The following ARHGEF10L variants were observed in gnomAD, a reference collection of about 807,000 sequenced individuals.
The protein encoded by ARHGEF10L is rho guanine nucleotide exchange factor 10-like protein.
A neutral mutation model predicts 141.2 loss-of-function variants in ARHGEF10L; 69 were observed. The ratio of observed to expected loss-of-function variants is 0.49; its 90% CI spans 0.40 to 0.60. The LOEUF is 0.60. Among genes scored for constraint, ARHGEF10L ranks in the 20% least tolerant of loss-of-function variants. The pLI, the probability that ARHGEF10L is intolerant of heterozygous loss-of-function variation, is 0.00. For missense variants in ARHGEF10L, 1,482 were observed against 1,734.3 expected, an observed-to-expected ratio of 0.85 and a Z score of 2.58; for synonymous variants, 711 against 718.5, an observed-to-expected ratio of 0.99 and a Z score of 0.17.
At chr1:17,669,006 G>A (rs1057425516) in intron 26 of ARHGEF10L, among the ~76,000 whole-genome samples, 2 of 152,218 alleles carry the variant, frequency 1.3e-5, no homozygotes, top group African/African-American at 4.8e-5. Context: ...GGCTGCTGCT[G>A]CTCTCTCACT....
At chr1:17,660,713 G>C (rs1280305137) in intron 25 of ARHGEF10L, among the ~76,000 whole-genome samples, 1 of 152,226 alleles carries the variant, frequency 6.6e-6, no homozygotes, top group African/African-American at 2.4e-5. Flanking sequence ...GCTGAGACAG[G>C]GCCTTCATCT....
intron 9 of ARHGEF10L, among the ~76,000 whole-genome samples, chr1:17,616,641 C>A (rs1262706735): frequency 6.6e-6 from 1 of 152,256 alleles, no homozygotes; most frequent in African/African-American, 2.4e-5. Context: ...CATGTATCAG[C>A]AGTGCCTCTG....
In ARHGEF10L at chr1:17,647,363, G is replaced by A. The variant is rs530333139; in HGVS notation, c.2273-1191G>A. Among the ~76,000 whole-genome samples the A allele has an allele frequency of 3.3e-5, 5 of 152,328 alleles. No homozygotes were observed. In the South Asian group the frequency reaches 1.0e-3, roughly 32 times the overall value. On this transcript the variant is annotated intron_variant, in intron 21 of 28. Coordinates refer to ENST00000361221, the MANE Select transcript of ARHGEF10L (RefSeq NM_018125.4). ...TGAAGACTAAGCCAGGGCATAGACG[G>A]CGGCGCTCAGTGTGGTGCCTGATGT...
rs376114429 is a variant in ARHGEF10L, at chr1:17,632,547, G to T, written c.1730+81G>T. On this transcript the variant is annotated intron_variant, in intron 16 of 28. Transcript: ENST00000361221. The stretch of plus-strand genomic sequence containing the variant: ...CCCTACTCCAGTCTCTTGGCCGGCC[G>T]CACTACAGTGGGACCCCATGTGAGC... The T allele has an allele frequency of 5.0e-5, 78 of 1,566,374 alleles. No homozygotes were observed. In the African/African-American group the frequency reaches 9.8e-4, roughly 20 times the overall value.
intron 4 of ARHGEF10L, among the ~76,000 whole-genome samples, chr1:17,598,102 CTTTT>C (rs553934561): frequency 2.2e-5 from 3 of 139,044 alleles, no homozygotes; most frequent in East Asian, 4.2e-4. Context: ...ACAAGAGAAA[CTTTT>C]TTTTTTTTTT....
chr1:17,696,743 C>A, intron 28 of ARHGEF10L, 105 bp from the exon 29 acceptor site: 1 of 1,212,930 alleles, frequency 8.2e-7, no homozygotes, highest in Non-Finnish European at 1.1e-6. Context: ...CAGAAGTGAC[C>A]CCCCCAAATA....
chr1:17,658,795 G>A (rs1221098547), intron 25 of ARHGEF10L, among the ~76,000 whole-genome samples: 2 of 151,722 alleles, frequency 1.3e-5, no homozygotes, highest in African/African-American at 2.4e-5. Flanking sequence ...AGAGTGTTGT[G>A]TGAGAGCCTC....
intron 1 of ARHGEF10L, among the ~76,000 whole-genome samples, chr1:17,540,782 C>G (rs993713167): frequency 2.0e-5 from 3 of 152,178 alleles, no homozygotes; most frequent in African/African-American, 7.2e-5. Flanking sequence ...TCAGTTTCTG[C>G]CCCAGAGTCC....
In ARHGEF10L at chr1:17,625,981, GT is replaced by G; in HGVS notation, c.1344del (p.Val449SerfsTer6). ...LKRRQVCSPD[R>X]VTLYGLMVKP... The stretch of plus-strand genomic sequence containing the variant: ...CGACGGCAGGTGTGCAGCCCAGACC[GT>G]GTCACCCTCTACGGGCTGATGGTCA... On this transcript the variant is annotated frameshift_variant, in exon 14 of 29. Coordinates refer to ENST00000361221, the MANE Select transcript of ARHGEF10L (RefSeq NM_018125.4). LOFTEE classifies it high-confidence loss of function. This position sits in a 1 kb window ranked among gnomAD's most constrained non-coding sequence, Gnocchi z 4.5. The G allele has an allele frequency of 6.2e-7, 1 of 1,613,946 alleles. No individual in the cohort carries two copies. Among genetic ancestry groups the G allele is most frequent in the Non-Finnish European group, 8.5e-7 (1 of 1,179,898 alleles).
At chr1:17,592,632 G>T (rs1398207577) in intron 4 of ARHGEF10L, among the ~76,000 whole-genome samples, 1 of 152,176 alleles carries the variant, frequency 6.6e-6, no homozygotes, top group African/African-American at 2.4e-5. Context: ...CTAGGTGTGG[G>T]GGACATAGGG....
At chr1:17,613,229 T>G in intron 8 of ARHGEF10L, 55 bp downstream of exon 8, 331 of 1,315,654 alleles carry the variant, frequency 2.5e-4, no homozygotes, top group Non-Finnish European at 3.3e-4. Context: ...CAGCTGCAGC[T>G]ACCTCCAAGG....
At chr1:17,679,753 C>T (rs559320299) in intron 26 of ARHGEF10L, among the ~76,000 whole-genome samples, 1 of 152,178 alleles carries the variant, frequency 6.6e-6, no homozygotes, top group Non-Finnish European at 1.5e-5. Context: ...CCTTTGCTGG[C>T]GGGGTGGCCC....
intron 1 of ARHGEF10L, among the ~76,000 whole-genome samples, chr1:17,568,396 C>T (rs1433754636): frequency 6.6e-6 from 1 of 152,168 alleles, no homozygotes; most frequent in Non-Finnish European, 1.5e-5. Context: ...GCATCTGTGT[C>T]ACAGCTGGCC....
chr1:17,624,796 T>A (rs1017985016), intron 13 of ARHGEF10L, among the ~76,000 whole-genome samples: 1 of 152,170 alleles, frequency 6.6e-6, no homozygotes, highest in Non-Finnish European at 1.5e-5. Context: ...GGTGAGTGGG[T>A]GGGTCTGCCT....
At chr1:17,646,011 C>T (rs1193346732) in intron 21 of ARHGEF10L, among the ~76,000 whole-genome samples, 1 of 152,072 alleles carries the variant, frequency 6.6e-6, no homozygotes, top group East Asian at 1.9e-4. Context: ...TCTTACATGA[C>T]TCTGTTTCCA....
chr1:17,656,974 G>T lies in ARHGEF10L; in HGVS notation c.2860+266G>T, dbSNP rs1489825562. 1.3e-5 allele frequency among the ~76,000 whole-genome samples: 2 copies of T among 152,182 alleles called. No homozygotes were observed. The highest frequency in any genetic ancestry group is 4.8e-5 in the African/African-American group (2 of 41,448). Reference sequence around the variant, plus strand: ...GTAGTGGATAAGAGAGGTACTCGCAGGTTGGAGAGACCTGGCTTCCCGTTC... The same window carrying T: ...GTAGTGGATAAGAGAGGTACTCGCATGTTGGAGAGACCTGGCTTCCCGTTC... On this transcript the variant is annotated intron_variant, in intron 25 of 28. Coordinates refer to ENST00000361221, the MANE Select transcript of ARHGEF10L (RefSeq NM_018125.4). The surrounding 1 kb of genome is among the most constrained non-coding windows in gnomAD (Gnocchi z 4.9).
Position 17,623,236 on chromosome 1 carries a change from C to T in ARHGEF10L, c.1200+61C>T, listed in dbSNP as rs925699671. ...GGTAAAACCACAACCAGTCTGACCC[C>T]GGGGCCATGCAGTCCAGCCTCCTGC... is the stretch of plus-strand genomic sequence containing the variant. On this transcript the variant is annotated intron_variant, in intron 12 of 28. Coordinates refer to ENST00000361221, the MANE Select transcript of ARHGEF10L (RefSeq NM_018125.4). The surrounding 1 kb of genome is among the most constrained non-coding windows in gnomAD (Gnocchi z 4.7). 3.1e-5 allele frequency: 48 copies of T among 1,563,618 alleles called. No homozygotes were observed. Among genetic ancestry groups the T allele is most frequent in the Non-Finnish European group, 3.6e-5 (41 of 1,150,182 alleles).
intron 1 of ARHGEF10L, among the ~76,000 whole-genome samples, chr1:17,567,241 C>G (rs2077794275): frequency 6.6e-6 from 1 of 152,194 alleles, no homozygotes; most frequent in South Asian, 2.1e-4. Context: ...CCCTTGATCC[C>G]ACCTTCCCAG....
At chr1:17,599,098 G>A (rs530954003) in intron 4 of ARHGEF10L, among the ~76,000 whole-genome samples, 2 of 152,254 alleles carry the variant, frequency 1.3e-5, no homozygotes, top group South Asian at 2.1e-4. Flanking sequence ...CACTTTGGGA[G>A]GCCAAGGTGG....
Sources: gnomAD v4.1 joint callset for allele counts (sites outside exome capture counted in the v4.1 genomes callset) on GRCh38, gnomAD v4.1.1 for gene constraint, Gnocchi (gnomAD v3.1) non-coding constraint, MANE v1.5 for transcripts, NCBI Gene and HGNC (gene_info 2026-07-23, HGNC 2026-07-21) for gene names.